The following SERAC1 variants were observed in gnomAD, a reference collection of about 807,000 sequenced individuals.
SERAC1 encodes the protein protein SERAC1.
In SERAC1, 36 loss-of-function variants were observed where a neutral mutation model predicts 85.7. The observed-to-expected ratio is 0.42, with a 90% CI of 0.32 to 0.55. The LOEUF (loss-of-function observed/expected upper bound fraction) is 0.55, where lower values mean the gene tolerates loss of function less well. Ranked by LOEUF, SERAC1 falls within the 20% of genes least tolerant of loss-of-function variation. SERAC1 has a pLI of 0.11. For missense variants in SERAC1, 629 were observed against 796.2 expected (o/e 0.79, Z 2.53); for synonymous variants, 242 against 265.3 (o/e 0.91, Z 0.85).
intron 10 of SERAC1, among the ~76,000 whole-genome samples, chr6:158,122,065 T>C (rs191467207): frequency 1.3e-5 from 2 of 152,346 alleles, no homozygotes; most frequent in East Asian, 3.9e-4. Flanking sequence ...GCTGTGCCTT[T>C]TCTATGTTTA....
At chr6:158,135,349 TG>T (rs1784766039) in intron 8 of SERAC1, among the ~76,000 whole-genome samples, 1 of 152,118 alleles carries the variant, frequency 6.6e-6, no homozygotes, top group African/African-American at 2.4e-5. Flanking sequence ...CTGATCAACA[TG>T]GTGACATCCC....
At chr6:158,139,725 G>A (rs1784873212) in intron 8 of SERAC1, among the ~76,000 whole-genome samples, 1 of 152,090 alleles carries the variant, frequency 6.6e-6, no homozygotes, top group African/African-American at 2.4e-5. Context: ...GCAACACAGT[G>A]AGACCTCATC....
rs1324255172 is a variant in SERAC1 at position 158,157,142 on chromosome 6, GC to G, written c.91+1130del. On this transcript the variant is annotated intron_variant, in intron 2 of 16. Coordinates refer to ENST00000647468, the MANE Select transcript of SERAC1 (RefSeq NM_032861.4). ...TTCCTGAGGAGCTAGGATTACAGGC[GC>G]CCACCACCACACCCAGCTAATTTTT... is the stretch of plus-strand genomic sequence containing the variant. 3.3e-5 allele frequency among the ~76,000 whole-genome samples: 5 copies of G among 151,148 alleles called. No individual in the cohort carries two copies. The East Asian group carries it at 9.7e-4, about 29-fold the overall frequency.
Position 158,117,746 on chromosome 6 carries a change from C to T in SERAC1, c.1384G>A (p.Ala462Thr), listed in dbSNP as rs1473447679. 2 of 1,614,170 alleles carry T rather than the reference C, an allele frequency of 1.2e-6. No individual in the cohort carries two copies. Among genetic ancestry groups the T allele is most frequent in the South Asian group, 1.1e-5 (1 of 91,086 alleles). ...EYDTSLSDWR[A>T]RCPMERKSIA... is the part of the protein sequence containing the mutation. ...TGTTACCTTTCCATAGGGCACCTTGCTCTCCAGTCGCTGAGGCTGGTGTCA... is the reference window on the plus strand; with the variant it reads ...TGTTACCTTTCCATAGGGCACCTTGTTCTCCAGTCGCTGAGGCTGGTGTCA... Residue 462 changes from alanine to threonine, a missense_variant, in exon 13 of 17, where the codon GCA becomes ACA. By Grantham distance (58) the Ala-to-Thr change is moderately conservative. Transcript: ENST00000647468. The surrounding 1 kb of genome is among the most constrained non-coding windows in gnomAD (Gnocchi z 4.3).
At chr6:158,133,318 A>G (rs1784720651) in intron 8 of SERAC1, among the ~76,000 whole-genome samples, 1 of 150,904 alleles carries the variant, frequency 6.6e-6, no homozygotes, top group Non-Finnish European at 1.5e-5. Context: ...AAAAAAAAAA[A>G]GGAATAGGTA....
In SERAC1 at chr6:158,110,082, T is replaced by C. The variant is rs554048353; in HGVS notation, c.*1284A>G. On this transcript the variant is annotated 3_prime_UTR_variant, in exon 17 of 17. Coordinates refer to ENST00000647468, the MANE Select transcript of SERAC1 (RefSeq NM_032861.4). ...ATAGCAATGATGTTGCACAACTCAG[T>C]GAACTATACTAAAAACCAATGAATT... The C allele has an allele frequency of 2.6e-5, 4 of 152,198 alleles. No homozygotes were observed. The highest frequency in any genetic ancestry group is 2.1e-4 in the South Asian group (1 of 4,828). 9.4% of individuals were successfully genotyped at this position (152,198 alleles called of 1,614,324 possible). A position where few individuals can be genotyped will look rare whatever the true frequency, so the allele number is the denominator to read the frequency against.
chr6:158,133,907 T>G (rs1784737595), intron 8 of SERAC1, among the ~76,000 whole-genome samples: 1 of 152,236 alleles, frequency 6.6e-6, no homozygotes, highest in Non-Finnish European at 1.5e-5. Flanking sequence ...CTGCATAGTA[T>G]TCAGTTATGA....
At chr6:158,150,644 G>C in intron 3 of SERAC1, 55 bp from the exon 4 acceptor site, 1 of 1,258,596 alleles carries the variant, frequency 7.9e-7, no homozygotes, top group Admixed American at 1.9e-5. Flanking sequence ...TGTAACACAA[G>C]AGCTACTCTT....
chr6:158,133,067 G>A (rs1784713469), intron 8 of SERAC1, among the ~76,000 whole-genome samples: 1 of 152,158 alleles, frequency 6.6e-6, no homozygotes, highest in African/African-American at 2.4e-5. Context: ...AACACTTTGG[G>A]AGGCTGAGAC....
chr6:158,155,348 T>C lies in SERAC1; in HGVS notation c.95A>G (p.Asn32Ser), dbSNP rs1230843239. ...AAGTGATCCAGTAAACTTTATTATA[T>C]TTCCTTCAAAAGAAAAAAAGTCAAT... ...KSGTHWRDIR[N>S]IIKFTGSLIL... The change falls in exon 3 of 17, where the codon AAT becomes AGT. Residue 32 changes from asparagine to serine, a missense_variant. By Grantham distance (46) the Asn-to-Ser change is conservative (BLOSUM62 1). Transcript: ENST00000647468. The C allele has an allele frequency of 6.5e-7, 1 of 1,545,646 alleles. No homozygotes were observed. Among genetic ancestry groups the C allele is most frequent in the East Asian group, 2.2e-5 (1 of 44,506 alleles).
In SERAC1 at chr6:158,111,424, A is replaced by C; in HGVS notation, c.1907T>G (p.Leu636Trp). Reference sequence around the variant, plus strand: ...AATGAATTGTAAAGTACGCTGGTACAAAAAAGCATCCTTTTTCTTTGGCTT... The same window carrying C: ...AATGAATTGTAAAGTACGCTGGTACCAAAAAGCATCCTTTTTCTTTGGCTT... ...ICKPKKKDAF[L>W]YQRTLQFIRE... Residue 636 changes from leucine to tryptophan, a missense_variant, in exon 17 of 17, where the codon TTG becomes TGG. Transcript: ENST00000647468. The C allele has an allele frequency of 6.2e-7, 1 of 1,611,668 alleles. No homozygotes were observed. The highest frequency in any genetic ancestry group is 8.5e-7 in the Non-Finnish European group (1 of 1,179,140).
chr6:158,153,437 G>T (rs1475946501), intron 3 of SERAC1, among the ~76,000 whole-genome samples: 1 of 147,790 alleles, frequency 6.8e-6, no homozygotes, highest in East Asian at 2.0e-4. Flanking sequence ...TCTGTACTGT[G>T]CATACAGTAC....
chr6:158,142,056 G>A lies in SERAC1; in HGVS notation c.738+1000C>T, dbSNP rs145517154. On this transcript the variant is annotated intron_variant, in intron 8 of 16. Transcript: ENST00000647468. ...TTGCAGTTAATAATGGTGGTTATTC[G>A]TTCTGATTTCTCTTAGAGATATGAG... Among the ~76,000 whole-genome samples the A allele has an allele frequency of 3.0e-3, 461 of 151,500 alleles. 5 individuals are homozygous for A. Among genetic ancestry groups the A allele is most frequent in the East Asian group, 0.012 (63 of 5,162 alleles).
intron 8 of SERAC1, among the ~76,000 whole-genome samples, chr6:158,131,301 T>C: frequency 6.8e-6 from 1 of 147,458 alleles, no homozygotes; most frequent in Non-Finnish European, 1.5e-5. Flanking sequence ...TTATAAATTA[T>C]ATATTATATA....
intron 3 of SERAC1, chr6:158,152,955 A>G (rs768600666): frequency 5.3e-5 from 8 of 152,198 alleles, no homozygotes; most frequent in Non-Finnish European, 1.2e-4. Flanking sequence ...GTATATATAC[A>G]TATACATGTA....
At chr6:158,164,986 T>G (rs919927696) in intron 1 of SERAC1, among the ~76,000 whole-genome samples, 1 of 152,132 alleles carries the variant, frequency 6.6e-6, no homozygotes, top group Admixed American at 6.5e-5. Flanking sequence ...CCAAGCATCT[T>G]ATTAAGGACG....
intron 12 of SERAC1, among the ~76,000 whole-genome samples, chr6:158,118,776 T>C (rs901800030): frequency 6.6e-6 from 1 of 152,224 alleles, no homozygotes; most frequent in Non-Finnish European, 1.5e-5. Context: ...AAAAGTGAAC[T>C]ATTACTGGCT....
chr6:158,134,609 A>G (rs1951543), intron 8 of SERAC1, among the ~76,000 whole-genome samples: 133,057 of 152,052 alleles, frequency 0.88, 58,346 homozygotes, highest in East Asian at 1. Context: ...GGATTAGAAA[A>G]GCAGAAAGGA....
chr6:158,164,391 C>T (rs954480860), intron 1 of SERAC1, among the ~76,000 whole-genome samples: 3 of 151,928 alleles, frequency 2.0e-5, no homozygotes, highest in Non-Finnish European at 2.9e-5. Context: ...AGGAGAATGG[C>T]GTGAAACTAG....
Sources: allele counts gnomAD v4.1 joint callset (sites outside exome capture counted in the v4.1 genomes callset), GRCh38; gene constraint gnomAD v4.1.1; non-coding constraint Gnocchi (gnomAD v3.1); transcripts MANE v1.5; gene names NCBI Gene and HGNC (gene_info 2026-07-23, HGNC 2026-07-21).